FAM227B: variants seen among roughly 807,000 people sequenced by gnomAD.
The protein encoded by FAM227B is protein FAM227B.
Under a neutral mutation model 73.8 loss-of-function variants are expected in FAM227B, and 88 were observed. The observed-to-expected ratio is 1.19, with a 90% CI of 1.00 to 1.42. The LOEUF (loss-of-function observed/expected upper bound fraction) is 1.42, where lower values mean the gene tolerates loss of function less well. FAM227B is among the 40% of genes most tolerant of loss of function. The probability of loss-of-function intolerance (pLI) is 0.00; values close to 1 mark genes in which losing one functional copy is unlikely to be tolerated. For synonymous variants in FAM227B, 210 were observed against 190.5 expected, an observed-to-expected ratio of 1.10 and a Z score of -0.84; for missense variants, 632 against 590.9, an observed-to-expected ratio of 1.07 and a Z score of -0.72.
chr15:49,528,319 C>G (rs2060357745), intron 10 of FAM227B, among the ~76,000 whole-genome samples: 1 of 151,794 alleles, frequency 6.6e-6, no homozygotes, highest in Non-Finnish European at 1.5e-5. Context: ...AACTGGACCC[C>G]TATCTCTCAT....
At chr15:49,620,588 A>G (rs529902352) in intron 1 of FAM227B, 112 bp downstream of exon 1, 103 of 152,356 alleles carry the variant, frequency 6.8e-4, no homozygotes, top group African/African-American at 2.5e-3. Context: ...CGAAATAATG[A>G]TATTGATATA....
At chr15:49,597,089 T>A (rs2153291096) in intron 3 of FAM227B, among the ~76,000 whole-genome samples, 1 of 151,846 alleles carries the variant, frequency 6.6e-6, no homozygotes, top group African/African-American at 2.4e-5. Context: ...ACAAAGAAAT[T>A]ATGGACTTAA....
chr15:49,427,276 A>T (rs1049051137), intron 11 of FAM227B, among the ~76,000 whole-genome samples: 2 of 152,062 alleles, frequency 1.3e-5, no homozygotes, highest in African/African-American at 4.8e-5. Context: ...ACATTTGAAG[A>T]TTGTTTACAT....
At chr15:49,344,288 C>T (rs2041152530) in intron 13 of FAM227B, 1 of 152,110 alleles carries the variant, frequency 6.6e-6, no homozygotes, top group Admixed American at 6.5e-5. Flanking sequence ...CATACAAATA[C>T]ATATTTTACA....
chr15:49,346,988 G>A (rs1222397412), intron 13 of FAM227B, among the ~76,000 whole-genome samples: 4 of 152,084 alleles, frequency 2.6e-5, no homozygotes, highest in African/African-American at 9.7e-5. Flanking sequence ...TTTTTAAAAG[G>A]TTATAAGCAC....
At chr15:49,550,374 T>G (rs1198628143) in intron 9 of FAM227B, among the ~76,000 whole-genome samples, 11 of 134,454 alleles carry the variant, frequency 8.2e-5, no homozygotes, top group East Asian at 2.5e-4. Context: ...GCGGCTGGCC[T>G]GGCGGGGGCT....
chr15:49,482,343 T>C (rs573166733), intron 11 of FAM227B, among the ~76,000 whole-genome samples: 2 of 152,226 alleles, frequency 1.3e-5, no homozygotes, highest in African/African-American at 4.8e-5. Flanking sequence ...ATTTTGTAAA[T>C]ACTATTTCAA....
intron 11 of FAM227B, among the ~76,000 whole-genome samples, chr15:49,470,688 G>C (rs536534464): frequency 1.3e-5 from 2 of 152,320 alleles, no homozygotes; most frequent in African/African-American, 4.8e-5. Context: ...CAAGAGGAAT[G>C]TGTAAATGTG....
intron 12 of FAM227B, 54 bp from the exon 13 acceptor site, chr15:49,367,662 A>T: frequency 6.8e-7 from 1 of 1,463,196 alleles, no homozygotes; most frequent in Non-Finnish European, 9.2e-7. Flanking sequence ...TTTCTAAAAA[A>T]CTGTGAATAA....
At chr15:49,617,776 TTGTG>T (rs67917912) in intron 1 of FAM227B, among the ~76,000 whole-genome samples, 3,491 of 148,194 alleles carry the variant, frequency 0.024, 126 homozygotes, top group African/African-American at 0.08. Context: ...CTTTCATGTT[TTGTG>T]TGTGTGTGTG....
In FAM227B at chr15:49,327,859, A is replaced by G; in HGVS notation, c.*709T>C. ...AAAACCCCGCATGTATTTTCTTCTTAGAACTTAGATAGGCTATGTGTTCTA... is the reference window on the plus strand; with the variant it reads ...AAAACCCCGCATGTATTTTCTTCTTGGAACTTAGATAGGCTATGTGTTCTA... On this transcript the variant is annotated 3_prime_UTR_variant, in exon 16 of 16. Coordinates refer to ENST00000299338, the MANE Select transcript of FAM227B (RefSeq NM_152647.3). 8.2e-7 allele frequency: 1 copy of G among 1,222,386 alleles called. No individual in the cohort carries two copies. Among genetic ancestry groups the G allele is most frequent in the Non-Finnish European group, 1.1e-6 (1 of 880,278 alleles). The allele number at this position is 1,222,386 out of a possible 1,614,324, so 75.7% of individuals were successfully genotyped here.
chr15:49,328,097 G>C lies in FAM227B; in HGVS notation c.*471C>G. 6.2e-7 allele frequency: 1 copy of C among 1,614,086 alleles called. No homozygotes were observed. The highest frequency in any genetic ancestry group is 8.5e-7 in the Non-Finnish European group (1 of 1,180,002). ...GAGGAGTGATGGAAGCTTAGCACCG[G>C]AGAAGCAAAGTTTGTTTGCTACCAA... On this transcript the variant is annotated 3_prime_UTR_variant, in exon 16 of 16. Coordinates refer to ENST00000299338, the MANE Select transcript of FAM227B (RefSeq NM_152647.3).
At chr15:49,367,725 GA>G (rs1210000888) in intron 12 of FAM227B, 117 bp from the exon 13 acceptor site, 1 of 982,586 alleles carries the variant, frequency 1.0e-6, no homozygotes, top group Non-Finnish European at 1.4e-6. Flanking sequence ...TAAAATAAAG[GA>G]AATTCTACAA....
intron 5 of FAM227B, among the ~76,000 whole-genome samples, chr15:49,581,117 A>G (rs982303242): frequency 6.6e-6 from 1 of 152,172 alleles, no homozygotes; most frequent in Non-Finnish European, 1.5e-5. Context: ...TTCAGGAAAC[A>G]CAGAGAGAAC....
rs552733588 is a variant in FAM227B at position 49,352,564 on chromosome 15, C to T, written c.1271+14884G>A. Among the ~76,000 whole-genome samples, 6 of 152,208 alleles carry T rather than the reference C, an allele frequency of 3.9e-5. No individual in the cohort carries two copies. In the South Asian group the frequency reaches 6.2e-4, roughly 16 times the overall value. On this transcript the variant is annotated intron_variant, in intron 13 of 15. Transcript: ENST00000299338. Reference sequence around the variant, plus strand: ...ATTTTTCTTTATCTAGGCTTCAGAGCGCCTACCATATGTATTTTCCTATTC... The same window carrying T: ...ATTTTTCTTTATCTAGGCTTCAGAGTGCCTACCATATGTATTTTCCTATTC...
intron 8 of FAM227B, among the ~76,000 whole-genome samples, chr15:49,572,936 C>T (rs2075210608): frequency 6.6e-6 from 1 of 151,148 alleles, no homozygotes; most frequent in Non-Finnish European, 1.5e-5. Context: ...TATTAATTTT[C>T]TCTCTGATCT....
intron 1 of FAM227B, among the ~76,000 whole-genome samples, chr15:49,616,908 T>C (rs1475221382): frequency 1.3e-5 from 2 of 152,230 alleles, no homozygotes; most frequent in Admixed American, 1.3e-4. Flanking sequence ...TGTACTTTTC[T>C]TTATCTTGGT....
At chr15:49,458,176 G>A (rs1336447134) in intron 11 of FAM227B, among the ~76,000 whole-genome samples, 1 of 151,648 alleles carries the variant, frequency 6.6e-6, no homozygotes, top group South Asian at 2.1e-4. Context: ...GATATGAGTA[G>A]GATCTTAGAG....
intron 11 of FAM227B, among the ~76,000 whole-genome samples, chr15:49,481,391 T>C (rs561782392): frequency 6.6e-6 from 1 of 152,366 alleles, no homozygotes; most frequent in Admixed American, 6.5e-5. Flanking sequence ...CTGCATGTTA[T>C]TTCCCTTTGT....
Sources: allele counts gnomAD v4.1 joint callset (sites outside exome capture counted in the v4.1 genomes callset), GRCh38; gene constraint gnomAD v4.1.1; transcripts MANE v1.5; gene names NCBI Gene and HGNC (gene_info 2026-07-23, HGNC 2026-07-21).